Variants in TNFSF10 observed in about 807,000 individuals in gnomAD.
The protein encoded by TNFSF10 is tumor necrosis factor ligand superfamily member 10.
A neutral mutation model predicts 29.5 loss-of-function variants in TNFSF10; 13 were observed. That is an observed-to-expected ratio of 0.44 (90% CI 0.29 to 0.70). The LOEUF is 0.70. Among genes scored for constraint, TNFSF10 ranks in the 30% least tolerant of loss-of-function variants. The pLI is 0.13. For synonymous variants in TNFSF10, 111 were observed against 112.8 expected, an observed-to-expected ratio of 0.98 and a Z score of 0.10; for missense variants, 345 against 330.9, an observed-to-expected ratio of 1.04 and a Z score of -0.33.
chr3:172,518,688 C>T (rs1692102695), intron 1 of TNFSF10, among the ~76,000 whole-genome samples: 1 of 152,220 alleles, frequency 6.6e-6, no homozygotes, highest in Non-Finnish European at 1.5e-5. Flanking sequence ...CCTTCCTTAA[C>T]CCTTACACCC....
At chr3:172,521,954 A>C (rs918247281) in intron 1 of TNFSF10, among the ~76,000 whole-genome samples, 1 of 152,222 alleles carries the variant, frequency 6.6e-6, no homozygotes, top group African/African-American at 2.4e-5. Flanking sequence ...ACAGAAAACC[A>C]AACACTGCAT....
intron 4 of TNFSF10, 114 bp from the exon 5 acceptor site, chr3:172,507,033 A>G: frequency 1.1e-6 from 1 of 869,748 alleles, no homozygotes; most frequent in South Asian, 1.9e-5. Flanking sequence ...CAGGGATTTC[A>G]ATCTAATATC....
At chr3:172,515,960 CCTG>C (rs1241914990) in intron 1 of TNFSF10, among the ~76,000 whole-genome samples, 1 of 151,966 alleles carries the variant, frequency 6.6e-6, no homozygotes, top group Non-Finnish European at 1.5e-5. Flanking sequence ...ACGTTATTTC[CCTG>C]AAAAAATCTG....
chr3:172,514,697 T>C (rs915238015), intron 2 of TNFSF10, among the ~76,000 whole-genome samples, 164 bp downstream of exon 2: 13 of 152,224 alleles, frequency 8.5e-5, no homozygotes, highest in East Asian at 5.8e-4. Flanking sequence ...CCCATTTTCC[T>C]AGTTCTATGA....
chr3:172,520,692 G>C (rs1171650777), intron 1 of TNFSF10, among the ~76,000 whole-genome samples: 1 of 152,178 alleles, frequency 6.6e-6, no homozygotes, highest in Admixed American at 6.5e-5. Flanking sequence ...CCACATGCTA[G>C]ACCCAGAGGT....
chr3:172,517,817 T>C, intron 1 of TNFSF10: 1 of 983,306 alleles, frequency 1.0e-6, no homozygotes, highest in Non-Finnish European at 1.2e-6. Flanking sequence ...AAAGTACCCA[T>C]AATCATACCA....
chr3:172,517,410 T>C (rs1713480190), intron 1 of TNFSF10: 1 of 985,154 alleles, frequency 1.0e-6, no homozygotes, highest in South Asian at 4.7e-5. Flanking sequence ...GTTAACAAGT[T>C]AATGTAGCTA....
rs1712962912 is a variant in TNFSF10 at position 172,505,916 on chromosome 3, G to A, written c.*576C>T. 2 of 152,110 alleles carry A rather than the reference G, an allele frequency of 1.3e-5. No homozygotes were observed. The highest frequency in any genetic ancestry group is 1.3e-4 in the Admixed American group (2 of 15,256). The allele number at this position is 152,110 out of a possible 1,614,324, so 9.4% of individuals were successfully genotyped here. A position where few individuals can be genotyped will look rare whatever the true frequency, so the allele number is the denominator to read the frequency against. Reference sequence around the variant, plus strand: ...TAATTTTTGTACTTTCAGTAGAGATGGGGTTTCACTATGTTGGTCACTATG... The same window carrying A: ...TAATTTTTGTACTTTCAGTAGAGATAGGGTTTCACTATGTTGGTCACTATG... On this transcript the variant is annotated 3_prime_UTR_variant, in exon 5 of 5. Coordinates refer to ENST00000241261, the MANE Select transcript of TNFSF10 (RefSeq NM_003810.4).
intron 1 of TNFSF10, among the ~76,000 whole-genome samples, chr3:172,521,431 G>A (rs1009099463): frequency 6.6e-6 from 1 of 152,094 alleles, no homozygotes; most frequent in Non-Finnish European, 1.5e-5. Flanking sequence ...ACATTTATGT[G>A]GCCAACAAAC....
intron 2 of TNFSF10, 45 bp from the exon 3 acceptor site, chr3:172,511,704 T>C: frequency 2.6e-6 from 4 of 1,539,364 alleles, no homozygotes; most frequent in Non-Finnish European, 3.6e-6. Context: ...CCTAAAAATT[T>C]AAACTGACTA....
intron 1 of TNFSF10, among the ~76,000 whole-genome samples, chr3:172,516,005 A>G (rs942346591): frequency 1.2e-4 from 18 of 152,152 alleles, no homozygotes; most frequent in East Asian, 1.9e-4. Flanking sequence ...GCTCATGCCT[A>G]TAATCCCAGC....
chr3:172,511,721 G>A (rs116395394), intron 2 of TNFSF10, 62 bp from the exon 3 acceptor site: 160 of 1,416,162 alleles, frequency 1.1e-4, no homozygotes, highest in Non-Finnish European at 1.5e-4. Context: ...ACTATAGAAT[G>A]CCTATGGCTC....
At chr3:172,509,019 C>T in intron 4 of TNFSF10, 198 bp downstream of exon 4, 1 of 377,012 alleles carries the variant, frequency 2.7e-6, no homozygotes, top group Non-Finnish European at 4.7e-6. Flanking sequence ...TTTCCTGAGG[C>T]CAGTTATGTC....
chr3:172,511,726 T>C (rs1713234205), intron 2 of TNFSF10, 67 bp from the exon 3 acceptor site: 1 of 1,371,844 alleles, frequency 7.3e-7, no homozygotes, highest in Non-Finnish European at 1.0e-6. Flanking sequence ...AGAATGCCTA[T>C]GGCTCATCTT....
chr3:172,517,484 A>G (rs1713483079), intron 1 of TNFSF10: 1 of 875,256 alleles, frequency 1.1e-6, no homozygotes, highest in African/African-American at 3.1e-5. Context: ...GCAGGGAAGC[A>G]TGGAAAAGTA....
At chr3:172,519,780 T>A (rs1713600692) in intron 1 of TNFSF10, among the ~76,000 whole-genome samples, 1 of 152,228 alleles carries the variant, frequency 6.6e-6, no homozygotes, top group South Asian at 2.1e-4. Flanking sequence ...GCAAACTACA[T>A]TTCCCTAGCA....
intron 3 of TNFSF10, among the ~76,000 whole-genome samples, chr3:172,510,030 A>G (rs1449001369): frequency 6.6e-6 from 1 of 151,676 alleles, no homozygotes; most frequent in Non-Finnish European, 1.5e-5. Flanking sequence ...TAAAAGAATC[A>G]GTTCAAACTT....
intron 1 of TNFSF10, chr3:172,518,240 G>A (rs765799450): frequency 1.3e-5 from 15 of 1,142,264 alleles, no homozygotes; most frequent in Non-Finnish European, 1.5e-5. Flanking sequence ...CTCTTGCACT[G>A]GGTGCCTGTT....
chr3:172,510,281 C>T (rs1713169640), intron 3 of TNFSF10, among the ~76,000 whole-genome samples: 1 of 152,112 alleles, frequency 6.6e-6, no homozygotes, highest in Non-Finnish European at 1.5e-5. Flanking sequence ...CATAGTGAAA[C>T]CTTGTCTCTA....
Sources: gnomAD v4.1 joint callset for allele counts (sites outside exome capture counted in the v4.1 genomes callset) on GRCh38, gnomAD v4.1.1 for gene constraint, MANE v1.5 for transcripts, NCBI Gene and HGNC (gene_info 2026-07-23, HGNC 2026-07-21) for gene names.